The following MTSS1 variants were observed in gnomAD, a reference collection of about 807,000 sequenced individuals.
MTSS1 encodes MTSS I-BAR domain containing 1, also known as protein MTSS 1.
MTSS1 carries 18 observed loss-of-function variants against 79.0 expected under a neutral mutation model. The ratio of observed to expected loss-of-function variants is 0.23; its 90% confidence interval spans 0.16 to 0.34. MTSS1 has a LOEUF of 0.34. Ranked by LOEUF, MTSS1 falls within the 10% of genes least tolerant of loss-of-function variation. MTSS1 has a pLI of 1.00. For missense variants in MTSS1, 815 were observed against 986.2 expected, an observed-to-expected ratio of 0.83 and a Z score of 2.33; for synonymous variants, 341 against 368.6, an observed-to-expected ratio of 0.93 and a Z score of 0.86.
intron 3 of MTSS1, among the ~76,000 whole-genome samples, chr8:124,681,789 T>A (rs1313762738): frequency 1.3e-5 from 2 of 152,102 alleles, no homozygotes; most frequent in African/African-American, 2.4e-5. Flanking sequence ...AAAAATGCCG[T>A]CTCAACAAAA....
intron 3 of MTSS1, among the ~76,000 whole-genome samples, chr8:124,671,540 T>C (rs1824218596): frequency 6.6e-6 from 1 of 152,176 alleles, no homozygotes; most frequent in Admixed American, 6.5e-5. Flanking sequence ...AAAGTTTCTC[T>C]AAAGGAAAGA....
intron 6 of MTSS1, among the ~76,000 whole-genome samples, chr8:124,571,415 A>G (rs1415433566): frequency 1.3e-5 from 2 of 152,242 alleles, no homozygotes; most frequent in African/African-American, 4.8e-5. Context: ...TTCCTCTGCA[A>G]GCAGCCAAAC....
intron 3 of MTSS1, among the ~76,000 whole-genome samples, chr8:124,643,125 C>A (rs1818362071): frequency 6.6e-6 from 1 of 152,088 alleles, no homozygotes; most frequent in Admixed American, 6.6e-5. Context: ...TTGGTAACCC[C>A]TAGTGTTAAT....
chr8:124,556,398 G>T lies in MTSS1; in HGVS notation c.1238C>A (p.Ala413Asp), dbSNP rs1474245524. The T allele has an allele frequency of 6.2e-7, 1 of 1,611,474 alleles. No homozygotes were observed. The highest frequency in any genetic ancestry group is 2.2e-5 in the East Asian group (1 of 44,868). Residue 413 changes from alanine (A) to aspartate (D), a missense_variant, in exon 12 of 14, where the codon GCT becomes GAT. By Grantham distance (126) the Ala-to-Asp change is moderately radical. Around this residue, in one of 2 missense-constraint regions of MTSS1, gnomAD observed 590 missense variants for 620.8 expected, o/e 0.95. Transcript: ENST00000518547. ...AGGCTGGTCATAGGGCCCAGGCTTA[G>T]CCCAGTCCTATGCAAAACAAGTGCG... ...SSQIPSWKDW[A>D]KPGPYDQPLV...
intron 3 of MTSS1, among the ~76,000 whole-genome samples, chr8:124,637,914 A>G (rs775924790): frequency 6.6e-6 from 1 of 152,240 alleles, no homozygotes. Context: ...CCCTCAAAGA[A>G]CATATCCTCT....
chr8:124,633,771 CAA>C (rs113893066), intron 3 of MTSS1, among the ~76,000 whole-genome samples: 9 of 136,816 alleles, frequency 6.6e-5, no homozygotes, highest in South Asian at 4.7e-4. Flanking sequence ...GATCCTGTCT[CAA>C]AAAAAAAAAA....
At chr8:124,674,316 C>CCACTTCAATTATAAAAAA (rs1382175988) in intron 3 of MTSS1, among the ~76,000 whole-genome samples, 4 of 151,982 alleles carry the variant, frequency 2.6e-5, no homozygotes, top group African/African-American at 9.7e-5. Context: ...TATGTCAATT[C>CCACTTCAATTATAAAAAA]CACTTCAATT....
chr8:124,676,162 AGG>A (rs1825250994), intron 3 of MTSS1, among the ~76,000 whole-genome samples: 1 of 152,240 alleles, frequency 6.6e-6, no homozygotes, highest in African/African-American at 2.4e-5. Context: ...AGGAATAAAA[AGG>A]TATTGATTAA....
At chr8:124,698,640 T>C (rs1164372296) in intron 3 of MTSS1, among the ~76,000 whole-genome samples, 1 of 150,486 alleles carries the variant, frequency 6.6e-6, no homozygotes, top group Admixed American at 6.7e-5. Context: ...GCCTCCCAAA[T>C]AGCTGGAATT....
At chr8:124,660,066 G>T (rs1411441071) in intron 3 of MTSS1, among the ~76,000 whole-genome samples, 1 of 152,080 alleles carries the variant, frequency 6.6e-6, no homozygotes, top group African/African-American at 2.4e-5. Context: ...CCAGAAACAT[G>T]GCAGGTAGGA....
At chr8:124,627,995 C>T (rs1310201619) in intron 3 of MTSS1, among the ~76,000 whole-genome samples, 3 of 152,076 alleles carry the variant, frequency 2.0e-5, no homozygotes, top group Non-Finnish European at 4.4e-5. Flanking sequence ...GGTGAAACCC[C>T]GTCTCTACTA....
chr8:124,693,783 C>A (rs1828339798), intron 3 of MTSS1, among the ~76,000 whole-genome samples: 1 of 152,164 alleles, frequency 6.6e-6, no homozygotes, highest in African/African-American at 2.4e-5. Flanking sequence ...TCCTCCACTT[C>A]CTTTGTACTC....
At chr8:124,634,264 C>T (rs1348379501) in intron 3 of MTSS1, among the ~76,000 whole-genome samples, 4 of 147,132 alleles carry the variant, frequency 2.7e-5, no homozygotes, top group Non-Finnish European at 5.9e-5. Context: ...CGCACACCAT[C>T]ATACCTGGCT....
chr8:124,670,726 CAATAAAAAG>C (rs907377711), intron 3 of MTSS1, among the ~76,000 whole-genome samples: 1 of 152,076 alleles, frequency 6.6e-6, no homozygotes, highest in Non-Finnish European at 1.5e-5. Context: ...TAAGGACAAG[CAATAAAAAG>C]AGCTCCTGGC....
intron 3 of MTSS1, among the ~76,000 whole-genome samples, chr8:124,682,087 G>T (rs943153047): frequency 6.6e-6 from 1 of 152,210 alleles, no homozygotes; most frequent in Non-Finnish European, 1.5e-5. Context: ...AAAAAAGAGT[G>T]CAGGCTGGGA....
chr8:124,567,562 G>T, intron 7 of MTSS1: 1 of 1,315,256 alleles, frequency 7.6e-7, no homozygotes, highest in Non-Finnish European at 9.9e-7. Context: ...ACACGACTTG[G>T]ATATATTTTG....
At chr8:124,653,333 G>A (rs1304961596) in intron 3 of MTSS1, among the ~76,000 whole-genome samples, 1 of 152,188 alleles carries the variant, frequency 6.6e-6, no homozygotes, top group Non-Finnish European at 1.5e-5. Context: ...AAATAAAATA[G>A]TTAGCTAATA....
In MTSS1 at chr8:124,562,808, G is replaced by A. The variant is rs368769284; in HGVS notation, c.1009C>T (p.Pro337Ser). 1.2e-6 allele frequency: 2 copies of A among 1,614,150 alleles called. No individual in the cohort carries two copies. The highest frequency in any genetic ancestry group is 1.7e-6 in the Non-Finnish European group (2 of 1,180,020). ...QDAFQSKSPS[P>S]MPPEAPNQLS... ...TGGTTGGGGGCCTCTGGCGGCATGG[G>A]GGATGGTGACTTGGACTGGAAGGCA... is the stretch of plus-strand genomic sequence containing the variant. The change falls in exon 10 of 14, where the codon CCC becomes TCC. Residue 337 changes from proline to serine, a missense_variant. Pro to Ser is a moderately conservative substitution (Grantham distance 74, BLOSUM62 -1). This residue lies in a region of MTSS1 where 590 missense variants were observed against 620.8 expected (regional missense o/e 0.95). Transcript: ENST00000518547.
intron 3 of MTSS1, among the ~76,000 whole-genome samples, chr8:124,690,665 C>T (rs1386129347): frequency 6.6e-6 from 1 of 152,194 alleles, no homozygotes; most frequent in Non-Finnish European, 1.5e-5. Flanking sequence ...GGGAACAGTG[C>T]TGTCGCCAGG....
Sources: gnomAD v4.1 joint callset for allele counts (sites outside exome capture counted in the v4.1 genomes callset) on GRCh38, gnomAD v4.1.1 for gene constraint, gnomAD v4.1.1 regional missense constraint, MANE v1.5 for transcripts, NCBI Gene and HGNC (gene_info 2026-07-23, HGNC 2026-07-21) for gene names.